Variants in OXR1 observed in about 807,000 individuals in gnomAD.
OXR1 encodes the protein oxidation resistance protein 1.
Under a neutral mutation model 104.6 loss-of-function variants are expected in OXR1, and 41 were observed. The observed-to-expected ratio is 0.39, with a 90% CI of 0.31 to 0.51. The LOEUF is 0.51. Ranked by LOEUF, OXR1 falls within the 20% of genes least tolerant of loss-of-function variation. OXR1 has a pLI of 0.77. For synonymous variants in OXR1, 348 were observed against 348.4 expected (o/e 1.00, Z 0.01); for missense variants, 955 against 1,031.9 (o/e 0.93, Z 1.02).
intron 2 of OXR1, among the ~76,000 whole-genome samples, chr8:106,398,167 A>G (rs1817856538): frequency 6.6e-6 from 1 of 152,178 alleles, no homozygotes; most frequent in South Asian, 2.1e-4. Flanking sequence ...CTATTTCCAA[A>G]TAAAGTTTGT....
At chr8:106,590,700 C>G (rs1179707734) in intron 3 of OXR1, among the ~76,000 whole-genome samples, 5 of 152,208 alleles carry the variant, frequency 3.3e-5, no homozygotes, top group Non-Finnish European at 7.3e-5. Context: ...TCTATTTGTA[C>G]CAGCCTCTTC....
At chr8:106,744,875 C>A (rs530578402) in intron 15 of OXR1, among the ~76,000 whole-genome samples, 4 of 152,104 alleles carry the variant, frequency 2.6e-5, no homozygotes, top group Middle Eastern at 3.2e-3. Context: ...AATAAAAATT[C>A]TTTTAGCAAA....
chr8:106,469,046 GTA>G, intron 2 of OXR1, among the ~76,000 whole-genome samples: 1 of 151,674 alleles, frequency 6.6e-6, no homozygotes, highest in Middle Eastern at 3.4e-3. Context: ...GTGTGTGTGT[GTA>G]GTATATGTAT....
intron 3 of OXR1, among the ~76,000 whole-genome samples, chr8:106,541,516 T>C (rs935126312): frequency 1.3e-5 from 2 of 152,198 alleles, no homozygotes; most frequent in African/African-American, 4.8e-5. Context: ...ATTTAAAACA[T>C]TGGTGCTAGC....
At chr8:106,491,262 G>T (rs1157102141) in intron 2 of OXR1, among the ~76,000 whole-genome samples, 2 of 151,848 alleles carry the variant, frequency 1.3e-5, no homozygotes, top group Non-Finnish European at 2.9e-5. Context: ...ATTTATCTTT[G>T]TTCTTCCATG....
intron 1 of OXR1, among the ~76,000 whole-genome samples, chr8:106,309,218 G>A (rs755715675): frequency 2.0e-5 from 3 of 152,266 alleles, no homozygotes; most frequent in South Asian, 4.1e-4. Flanking sequence ...TGGGGCTCAC[G>A]TGATCCTCCT....
intron 3 of OXR1, among the ~76,000 whole-genome samples, chr8:106,524,574 A>T (rs966875146): frequency 6.6e-6 from 1 of 152,220 alleles, no homozygotes; most frequent in Admixed American, 6.5e-5. Context: ...AACAGTGATT[A>T]GTCCCTGATC....
In OXR1 at chr8:106,551,980, G is replaced by A. The variant is rs958590186; in HGVS notation, c.220+32841G>A. On this transcript the variant is annotated intron_variant, in intron 3 of 16. Transcript: ENST00000517566. ...GGAGGCTGAGGCAGGAGGATTGCCT[G>A]AGCCCAGGAGGTCCTGGCTGCAGTA... 9.9e-5 allele frequency among the ~76,000 whole-genome samples: 15 copies of A among 151,186 alleles called. 1 individual carries two copies. Among genetic ancestry groups the A allele is most frequent in the Admixed American group, 9.3e-4 (14 of 15,132 alleles).
intron 3 of OXR1, among the ~76,000 whole-genome samples, chr8:106,561,323 G>T (rs1049381636): frequency 1.3e-5 from 2 of 152,116 alleles, no homozygotes. Flanking sequence ...AGCTTGAGTA[G>T]GCTGTTTTCC....
chr8:106,323,443 A>G (rs886348863), intron 1 of OXR1, among the ~76,000 whole-genome samples: 1 of 152,198 alleles, frequency 6.6e-6, no homozygotes, highest in African/African-American at 2.4e-5. Context: ...TCGTGCACAT[A>G]GGAGCAAGCA....
rs758128591 is a variant in OXR1 at position 106,698,018 on chromosome 8, ATGGG to A, written c.676-4884_676-4881del. ...TGCAGGTCCCCTGTTGGCCATTCCA[ATGGG>A]TGGCGGTGGCTGCGGGGAGCGTTCA... On this transcript the variant is annotated intron_variant, in intron 7 of 16. Coordinates refer to ENST00000517566, the MANE Select transcript of OXR1 (RefSeq NM_001198533.2). 4.7e-5 allele frequency: 75 copies of A among 1,608,614 alleles called. No individual in the cohort carries two copies. In the East Asian group the frequency reaches 7.4e-4, roughly 16 times the overall value.
chr8:106,356,209 A>T (rs1815963357), intron 1 of OXR1, among the ~76,000 whole-genome samples: 1 of 152,190 alleles, frequency 6.6e-6, no homozygotes, highest in Admixed American at 6.5e-5. Flanking sequence ...TTTTAAAGGG[A>T]TGGCTCCCAG....
chr8:106,732,162 C>T (rs1016825205), intron 11 of OXR1, among the ~76,000 whole-genome samples: 2 of 152,040 alleles, frequency 1.3e-5, no homozygotes, highest in Non-Finnish European at 2.9e-5. Context: ...TTCTTTTTAA[C>T]TTTCAAATTC....
chr8:106,708,697 A>G (rs747971988), intron 9 of OXR1, among the ~76,000 whole-genome samples: 25 of 152,058 alleles, frequency 1.6e-4, no homozygotes, highest in Non-Finnish European at 3.1e-4. Context: ...GGTTGTTTCA[A>G]CCTTTTGGCT....
At chr8:106,586,080 T>G (rs1276207965) in intron 3 of OXR1, among the ~76,000 whole-genome samples, 1 of 152,188 alleles carries the variant, frequency 6.6e-6, no homozygotes, top group Non-Finnish European at 1.5e-5. Context: ...AAATCTGACT[T>G]ACATTTTGAG....
intron 6 of OXR1, among the ~76,000 whole-genome samples, chr8:106,685,115 A>G (rs1472601471): frequency 6.6e-6 from 1 of 152,144 alleles, no homozygotes; most frequent in Non-Finnish European, 1.5e-5. Context: ...TGGCAATACT[A>G]TGCTTTAGAA....
intron 2 of OXR1, among the ~76,000 whole-genome samples, chr8:106,377,686 T>C (rs946183435): frequency 6.6e-6 from 1 of 152,084 alleles, no homozygotes; most frequent in African/African-American, 2.4e-5. Context: ...ATGGAATTAA[T>C]TTTTTTTAAG....
intron 3 of OXR1, among the ~76,000 whole-genome samples, chr8:106,566,512 A>C (rs2130531034): frequency 6.6e-6 from 1 of 152,336 alleles, no homozygotes; most frequent in South Asian, 2.1e-4. Flanking sequence ...ATGCTTTTAC[A>C]CTGCTCGTGG....
intron 1 of OXR1, among the ~76,000 whole-genome samples, chr8:106,318,521 C>G (rs1814074439): frequency 6.6e-6 from 1 of 152,226 alleles, no homozygotes; most frequent in Non-Finnish European, 1.5e-5. Context: ...ACAAAGTTCT[C>G]TGCCTTGCCT....
Sources: gnomAD v4.1 joint callset for allele counts (sites outside exome capture counted in the v4.1 genomes callset) on GRCh38, gnomAD v4.1.1 for gene constraint, MANE v1.5 for transcripts, NCBI Gene and HGNC (gene_info 2026-07-23, HGNC 2026-07-21) for gene names.